The following GNAQ variants were observed in gnomAD, a reference collection of about 807,000 sequenced individuals.
GNAQ encodes G protein subunit alpha q.
GNAQ carries 8 observed loss-of-function variants against 43.9 expected under a neutral mutation model. That is an observed-to-expected ratio of 0.18 (90% CI 0.11 to 0.33). The LOEUF (loss-of-function observed/expected upper bound fraction) is 0.33, where lower values mean the gene tolerates loss of function less well. GNAQ is among the 10% of genes least tolerant of loss of function. The probability of loss-of-function intolerance (pLI) is 1.00; values close to 1 mark genes in which losing one functional copy is unlikely to be tolerated. For synonymous variants in GNAQ, 155 were observed against 170.7 expected, an observed-to-expected ratio of 0.91 and a Z score of 0.71; for missense variants, 158 against 450.8, an observed-to-expected ratio of 0.35 and a Z score of 5.88.
chr9:77,931,128 T>C (rs926866780), intron 1 of GNAQ, among the ~76,000 whole-genome samples: 2 of 147,658 alleles, frequency 1.4e-5, no homozygotes, highest in Non-Finnish European at 3.0e-5. Context: ...GGGAACAAAA[T>C]GGGAAGAGGG....
chr9:77,993,331 A>G (rs1384780986), intron 1 of GNAQ, among the ~76,000 whole-genome samples: 1 of 152,184 alleles, frequency 6.6e-6, no homozygotes, highest in Non-Finnish European at 1.5e-5. Flanking sequence ...AGTATAAGTA[A>G]AGCAAAGCAA....
At chr9:77,871,874 G>C (rs895882762) in intron 2 of GNAQ, among the ~76,000 whole-genome samples, 17 of 152,142 alleles carry the variant, frequency 1.1e-4, no homozygotes, top group African/African-American at 3.9e-4. Context: ...CATGGGGTGA[G>C]GGAGAGGTAT....
intron 2 of GNAQ, among the ~76,000 whole-genome samples, chr9:77,900,443 C>T (rs763021047): frequency 3.3e-5 from 5 of 152,136 alleles, no homozygotes; most frequent in South Asian, 2.1e-4. Context: ...GATAACTATA[C>T]GGAATCTCAC....
At chr9:78,029,326 T>C (rs1824020024) in intron 1 of GNAQ, among the ~76,000 whole-genome samples, 1 of 152,044 alleles carries the variant, frequency 6.6e-6, no homozygotes. Flanking sequence ...AACAAGTCTC[T>C]CTAAAATACG....
At chr9:77,801,984 T>C (rs1826750438) in intron 3 of GNAQ, among the ~76,000 whole-genome samples, 1 of 152,038 alleles carries the variant, frequency 6.6e-6, no homozygotes, top group Admixed American at 6.6e-5. Context: ...CTGGACAACA[T>C]GGTGAAACCC....
chr9:77,909,257 T>A (rs1269443087), intron 2 of GNAQ, among the ~76,000 whole-genome samples: 1 of 152,202 alleles, frequency 6.6e-6, no homozygotes, highest in Non-Finnish European at 1.5e-5. Context: ...TTTAGTGAGG[T>A]ACTTTGACTG....
rs2118456412 is a variant in GNAQ at position 77,797,623 on chromosome 9, C to T, written c.502G>A (p.Ala168Thr). The T allele has an allele frequency of 6.2e-7, 1 of 1,613,714 alleles. No individual in the cohort carries two copies. ...TGCGTAGGCAGGTAGGCAGGGTCAG[C>T]TACGCGGTCCAAGTCATTAAGATAG... Reference protein sequence around the residue: ...KYYLNDLDRVADPAYLPTQQD... With the variant: ...KYYLNDLDRVTDPAYLPTQQD... Residue 168 changes from alanine to threonine, a missense_variant, in exon 4 of 7, where the codon GCT becomes ACT. Transcript: ENST00000286548.
chr9:77,984,082 T>C (rs1055608678), intron 1 of GNAQ, among the ~76,000 whole-genome samples: 2 of 122,774 alleles, frequency 1.6e-5, no homozygotes, highest in Non-Finnish European at 3.3e-5. Flanking sequence ...AAAAATCACC[T>C]AGATGAAGTT....
chr9:77,822,211 T>C (rs962747266), intron 2 of GNAQ, among the ~76,000 whole-genome samples: 3 of 152,190 alleles, frequency 2.0e-5, no homozygotes, highest in Non-Finnish European at 2.9e-5. Flanking sequence ...TCCAGATCTG[T>C]TGACGAGACT....
intron 2 of GNAQ, among the ~76,000 whole-genome samples, chr9:77,844,421 T>C (rs1827546082): frequency 6.6e-6 from 1 of 152,204 alleles, no homozygotes; most frequent in Non-Finnish European, 1.5e-5. Context: ...TTTCTTTATA[T>C]TATTTCTCTA....
intron 1 of GNAQ, among the ~76,000 whole-genome samples, chr9:77,964,857 C>T (rs1276426400): frequency 6.6e-6 from 1 of 152,058 alleles, no homozygotes; most frequent in Non-Finnish European, 1.5e-5. Context: ...ATTTTTATAA[C>T]TAATAATCTT....
At chr9:77,755,906 CTG>C (rs1241636179) in intron 5 of GNAQ, among the ~76,000 whole-genome samples, 1 of 152,084 alleles carries the variant, frequency 6.6e-6, no homozygotes, top group Non-Finnish European at 1.5e-5. Flanking sequence ...TTGGGTGTGT[CTG>C]TGATGGTGTT....
chr9:77,727,886 C>T (rs189104330), intron 6 of GNAQ, among the ~76,000 whole-genome samples: 6 of 152,062 alleles, frequency 3.9e-5, no homozygotes, highest in Admixed American at 3.3e-4. Flanking sequence ...CAGAGGTGGA[C>T]GGTAACCAAA....
At chr9:77,756,348 T>C (rs760883677) in intron 5 of GNAQ, among the ~76,000 whole-genome samples, 13 of 152,262 alleles carry the variant, frequency 8.5e-5, no homozygotes, top group African/African-American at 1.4e-4. Flanking sequence ...AAGCCATAAC[T>C]GCAGACAGCA....
chr9:77,731,792 A>G (rs927455504), intron 5 of GNAQ, among the ~76,000 whole-genome samples: 1 of 152,242 alleles, frequency 6.6e-6, no homozygotes, highest in Non-Finnish European at 1.5e-5. Context: ...TGCCAAGCCC[A>G]GGACAACAAG....
chr9:77,840,349 TTTTG>T (rs1379801933), intron 2 of GNAQ, among the ~76,000 whole-genome samples: 2 of 101,360 alleles, frequency 2.0e-5, no homozygotes, highest in African/African-American at 6.0e-5. Context: ...TTTGATTACT[TTTTG>T]TTTTTTTTTT....
At chr9:77,772,763 G>A (rs1826246888) in intron 5 of GNAQ, among the ~76,000 whole-genome samples, 1 of 152,134 alleles carries the variant, frequency 6.6e-6, no homozygotes, top group Non-Finnish European at 1.5e-5. Flanking sequence ...TACAAACACT[G>A]TAATAGAACA....
intron 1 of GNAQ, among the ~76,000 whole-genome samples, chr9:78,014,995 C>G (rs535040356): frequency 6.6e-6 from 1 of 152,300 alleles, no homozygotes; most frequent in South Asian, 2.1e-4. Context: ...ACCTACCAAG[C>G]TGCCAGTTGT....
chr9:77,927,615 AG>A (rs1282628478), intron 1 of GNAQ, among the ~76,000 whole-genome samples: 1 of 151,974 alleles, frequency 6.6e-6, no homozygotes, highest in Non-Finnish European at 1.5e-5. Context: ...ACACCTTACC[AG>A]GGCCTCTCAC....
Sources: gnomAD v4.1 joint callset for allele counts (sites outside exome capture counted in the v4.1 genomes callset) on GRCh38, gnomAD v4.1.1 for gene constraint, MANE v1.5 for transcripts, NCBI Gene and HGNC (gene_info 2026-07-23, HGNC 2026-07-21) for gene names.